NIPAL3: variants seen among roughly 807,000 people sequenced by gnomAD.
NIPAL3 encodes the protein NIPA like domain containing 3.
In NIPAL3, 41 loss-of-function variants were observed where a neutral mutation model predicts 47.2. That is an observed-to-expected ratio of 0.87 (90% CI 0.68 to 1.13). The LOEUF (loss-of-function observed/expected upper bound fraction) is 1.13, where lower values mean the gene tolerates loss of function less well. NIPAL3 is among the 50% of genes most tolerant of loss of function. The pLI is 0.00. For missense variants in NIPAL3, 449 were observed against 530.1 expected (o/e 0.85, Z 1.50); for synonymous variants, 194 against 209.6 (o/e 0.93, Z 0.64).
Position 24,419,475 on chromosome 1 carries a change from T to C in NIPAL3, c.-73T>C. 6.8e-7 allele frequency: 1 copy of C among 1,465,856 alleles called. No individual in the cohort carries two copies. Among genetic ancestry groups the C allele is most frequent in the Middle Eastern group, 2.2e-4 (1 of 4,504 alleles). 90.8% of individuals were successfully genotyped at this position (1,465,856 alleles called of 1,614,324 possible). ...GTGAACACCACAAGGAGAGATGGCA[T>C]CTGGCCTGGGCCCCGCCTAGCAGCA... On this transcript the variant is annotated 5_prime_UTR_variant, in exon 2 of 12. Transcript: ENST00000374399.
At chr1:24,440,654 C>A (rs1043572995) in intron 3 of NIPAL3, among the ~76,000 whole-genome samples, 1 of 152,204 alleles carries the variant, frequency 6.6e-6, no homozygotes, top group Non-Finnish European at 1.5e-5. Context: ...CAAATCCCCT[C>A]GGCCTGTCTG....
At chr1:24,459,119 C>G in intron 9 of NIPAL3, 143 bp downstream of exon 9, 1 of 708,516 alleles carries the variant, frequency 1.4e-6, no homozygotes, top group East Asian at 2.8e-5. Context: ...GATTTCCAGA[C>G]AGAGAGACCC....
At chr1:24,459,003 T>A (rs759919302) in intron 9 of NIPAL3, 27 bp downstream of exon 9, 1 of 1,594,832 alleles carries the variant, frequency 6.3e-7, no homozygotes, top group African/African-American at 1.3e-5. Context: ...GCTAGATTTC[T>A]GTCTTCTACT....
intron 2 of NIPAL3, among the ~76,000 whole-genome samples, chr1:24,428,414 A>G (rs976250777): frequency 3.3e-5 from 5 of 152,092 alleles, no homozygotes; most frequent in African/African-American, 1.2e-4. Flanking sequence ...CCTTTGTTTG[A>G]TCATAGGTCA....
Position 24,449,629 on chromosome 1 carries a change from A to G in NIPAL3, c.540+3A>G, listed in dbSNP as rs1645841043. 1 of 1,612,486 alleles carries G rather than the reference A, an allele frequency of 6.2e-7. No homozygotes were observed. The highest frequency in any genetic ancestry group is 1.1e-5 in the South Asian group (1 of 91,032). On this transcript the variant is annotated splice_donor_region_variant and intron_variant, in intron 6 of 11. Transcript: ENST00000374399. The surrounding 1 kb of genome is among the most constrained non-coding windows in gnomAD (Gnocchi z 4.5). ...GCTGGCCTTTCCTTTTGTACATGGT[A>G]AGAGAAGCCTCCAGTCGTTCCCCCT... is the stretch of plus-strand genomic sequence containing the variant.
chr1:24,458,134 T>C (rs1392269026), intron 8 of NIPAL3, among the ~76,000 whole-genome samples: 2 of 152,078 alleles, frequency 1.3e-5, no homozygotes, highest in Admixed American at 1.3e-4. Flanking sequence ...GTGAAGAAAC[T>C]AGTACAGCCA....
chr1:24,467,758 G>C (rs763437440), intron 11 of NIPAL3, among the ~76,000 whole-genome samples: 2 of 152,162 alleles, frequency 1.3e-5, no homozygotes, highest in Admixed American at 6.5e-5. Context: ...GTCAGGTGTT[G>C]TAGCTCACAC....
At chr1:24,434,337 A>G (rs1645005910) in intron 2 of NIPAL3, among the ~76,000 whole-genome samples, 1 of 152,212 alleles carries the variant, frequency 6.6e-6, no homozygotes, top group South Asian at 2.1e-4. Flanking sequence ...TAAAATTGTT[A>G]CAAGGTACAA....
upstream of NIPAL3, chr1:24,414,238 G>A (rs1012418213): frequency 6.6e-6 from 1 of 151,724 alleles, no homozygotes; most frequent in Non-Finnish European, 1.5e-5. Context: ...TAGAGACAGG[G>A]TTTCACCACG....
At chr1:24,427,959 C>A (rs1480950380) in intron 2 of NIPAL3, among the ~76,000 whole-genome samples, 4 of 152,130 alleles carry the variant, frequency 2.6e-5, no homozygotes, top group South Asian at 2.1e-4. Context: ...AAACCACAAC[C>A]CCTGCAGGCA....
intron 5 of NIPAL3, among the ~76,000 whole-genome samples, chr1:24,448,071 A>G (rs980089918): frequency 1.3e-5 from 2 of 152,246 alleles, no homozygotes; most frequent in African/African-American, 4.8e-5. Context: ...TGGCTCATTC[A>G]TTCATTGAAC....
intron 10 of NIPAL3, among the ~76,000 whole-genome samples, chr1:24,461,319 AT>A (rs1646459228): frequency 6.6e-6 from 1 of 152,132 alleles, no homozygotes; most frequent in Non-Finnish European, 1.5e-5. Flanking sequence ...AGGCAGGTGG[AT>A]TACCTGAGGT....
intron 2 of NIPAL3, among the ~76,000 whole-genome samples, chr1:24,434,271 T>C (rs1180519294): frequency 1.3e-5 from 2 of 152,044 alleles, no homozygotes; most frequent in African/African-American, 4.8e-5. Flanking sequence ...TTCATGTAAA[T>C]AACCAAAGGA....
At position 24,421,756 on chromosome 1, in the gene NIPAL3, C is replaced by T. The variant is rs762532813; in HGVS notation, c.93+2116C>T. The stretch of plus-strand genomic sequence containing the variant: ...TGTGAAGCCCTTAGGCAATGACCCA[C>T]ACATAATGGCCAGTGTTTGTCAAGT... On this transcript the variant is annotated intron_variant, in intron 2 of 11. Transcript: ENST00000374399. The T allele has an allele frequency of 7.2e-5, 11 of 152,352 alleles. No homozygotes were observed. The East Asian group carries it at 2.1e-3, about 29-fold the overall frequency. The allele number at this position is 152,352 out of a possible 1,614,324, so 9.4% of individuals were successfully genotyped here.
chr1:24,417,849 C>T (rs1208168804), intron 1 of NIPAL3, among the ~76,000 whole-genome samples: 2 of 152,240 alleles, frequency 1.3e-5, no homozygotes, highest in African/African-American at 2.4e-5. Flanking sequence ...CTACAGGATA[C>T]ACAGGAGGCA....
upstream of NIPAL3, chr1:24,413,591 C>G (rs1167701240): frequency 3.9e-5 from 6 of 152,310 alleles, no homozygotes; most frequent in Admixed American, 3.3e-4. Flanking sequence ...TCTCCGCGGG[C>G]GTCCCATGCG....
At chr1:24,445,939 T>G (rs1407988645) in intron 5 of NIPAL3, among the ~76,000 whole-genome samples, 2 of 152,174 alleles carry the variant, frequency 1.3e-5, no homozygotes, top group Non-Finnish European at 2.9e-5. Flanking sequence ...TGGAGGTCCC[T>G]CCACATGGAA....
chr1:24,420,738 C>G (rs6659651), intron 2 of NIPAL3, among the ~76,000 whole-genome samples: 16,869 of 152,034 alleles, frequency 0.11, 983 homozygotes, highest in African/African-American at 0.13. Context: ...AATGATTGCC[C>G]AATAATCCGT....
At chr1:24,417,094 A>T (rs533541538) in intron 1 of NIPAL3, among the ~76,000 whole-genome samples, 1 of 152,256 alleles carries the variant, frequency 6.6e-6, no homozygotes, top group Non-Finnish European at 1.5e-5. Context: ...ATTAGGCCTT[A>T]GAAAGGCATT....
Sources: gnomAD v4.1 joint callset for allele counts (sites outside exome capture counted in the v4.1 genomes callset) on GRCh38, gnomAD v4.1.1 for gene constraint, Gnocchi (gnomAD v3.1) non-coding constraint, MANE v1.5 for transcripts, NCBI Gene and HGNC (gene_info 2026-07-23, HGNC 2026-07-21) for gene names.